The following CCDC88C variants were observed in gnomAD, a reference collection of about 807,000 sequenced individuals.
The protein encoded by CCDC88C is coiled-coil and HOOK domain protein 88C.
In CCDC88C, 131 loss-of-function variants were observed where a neutral mutation model predicts 198.8. The ratio of observed to expected loss-of-function variants is 0.66; its 90% CI spans 0.57 to 0.76. The LOEUF (loss-of-function observed/expected upper bound fraction) is 0.76, where lower values mean the gene tolerates loss of function less well. CCDC88C is among the 30% of genes least tolerant of loss of function. The pLI, the probability that CCDC88C is intolerant of heterozygous loss-of-function variation, is 0.00. For synonymous variants in CCDC88C, 1,166 were observed against 1,114.7 expected (o/e 1.05, Z -0.92); for missense variants, 2,553 against 2,631.6 (o/e 0.97, Z 0.65).
intron 3 of CCDC88C, among the ~76,000 whole-genome samples, chr14:91,400,335 AC>A (rs1187393545): frequency 6.6e-6 from 1 of 151,888 alleles, no homozygotes; most frequent in Non-Finnish European, 1.5e-5. Flanking sequence ...AGGACGGGGG[AC>A]CCCCCGCAGA....
rs76053912 is a variant in CCDC88C at position 91,397,880 on chromosome 14, A to G, written c.270+10779T>C. ...TCCACCTGCAGCAAGTTACCTCCCT[A>G]CATGATTCTAGAAAGCCTGGCTTTT... On this transcript the variant is annotated intron_variant, in intron 3 of 29. Coordinates refer to ENST00000389857, the MANE Select transcript of CCDC88C (RefSeq NM_001080414.4). Among the ~76,000 whole-genome samples the G allele has an allele frequency of 4.2e-3, 644 of 152,316 alleles. 30 individuals are homozygous for G. The East Asian group carries it at 0.11, about 26-fold the overall frequency.
chr14:91,346,798 T>C lies in CCDC88C; in HGVS notation c.341-3141A>G, dbSNP rs369828464. ...TCTGTAATCCCAGCTGCTTGGGAGG[T>C]TGAGGCAGGAGAATCACTTGAACCC... is the stretch of plus-strand genomic sequence containing the variant. On this transcript the variant is annotated intron_variant, in intron 4 of 29. Coordinates refer to ENST00000389857, the MANE Select transcript of CCDC88C (RefSeq NM_001080414.4). 7.3e-5 allele frequency among the ~76,000 whole-genome samples: 11 copies of C among 151,256 alleles called. No individual in the cohort carries two copies. In the East Asian group the frequency reaches 1.8e-3, roughly 24 times the overall value.
chr14:91,298,431 G>A (rs1294402508), intron 21 of CCDC88C, among the ~76,000 whole-genome samples: 2 of 151,860 alleles, frequency 1.3e-5, no homozygotes, highest in African/African-American at 4.8e-5. Flanking sequence ...CTACTTGGGA[G>A]GCTGGGCTGG....
At position 91,355,584 on chromosome 14, in the gene CCDC88C, C is replaced by T. The variant is rs78841067; in HGVS notation, c.340+4058G>A. Reference sequence around the variant, plus strand: ...AGAGACGGTCCCAGGGCAGACACAGCGTAAGGGAGTGAGGAGTTTGGGCCG... The same window carrying T: ...AGAGACGGTCCCAGGGCAGACACAGTGTAAGGGAGTGAGGAGTTTGGGCCG... On this transcript the variant is annotated intron_variant, in intron 4 of 29. Coordinates refer to ENST00000389857, the MANE Select transcript of CCDC88C (RefSeq NM_001080414.4). Among the ~76,000 whole-genome samples the T allele has an allele frequency of 5.3e-5, 8 of 152,220 alleles. No homozygotes were observed. In the East Asian group the frequency reaches 1.2e-3, roughly 22 times the overall value.
intron 26 of CCDC88C, 29 bp downstream of exon 26, chr14:91,283,300 T>A: frequency 6.2e-7 from 1 of 1,607,324 alleles, no homozygotes. Flanking sequence ...GGCCCGACGC[T>A]CATGGCTCTG....
intron 19 of CCDC88C, among the ~76,000 whole-genome samples, chr14:91,304,958 A>G (rs1256600130): frequency 6.6e-6 from 1 of 152,222 alleles, no homozygotes; most frequent in Non-Finnish European, 1.5e-5. Flanking sequence ...AATTGCAATA[A>G]AAAGCCAGGT....
chr14:91,344,116 C>T (rs1893416666), intron 4 of CCDC88C, among the ~76,000 whole-genome samples: 1 of 152,218 alleles, frequency 6.6e-6, no homozygotes. Context: ...CCACCATACC[C>T]AGCCTTATTT....
chr14:91,308,390 T>C lies in CCDC88C; in HGVS notation c.2967A>G (p.Lys989=), dbSNP rs575734877. Residue 989 remains lysine, a synonymous_variant, in exon 17 of 30, where the codon AAA becomes AAG. Coordinates refer to ENST00000389857, the MANE Select transcript of CCDC88C (RefSeq NM_001080414.4). ...IVLLEAQMEE[K]ASLNRQLESE... is the part of the protein sequence containing the mutation. Reference sequence around the variant, plus strand: ...TCTCTAACTGGCGATTTAGGCTCGCTTTCTCTTCCATCTGTGCTTCTAAGA... The same window carrying C: ...TCTCTAACTGGCGATTTAGGCTCGCCTTCTCTTCCATCTGTGCTTCTAAGA... 1.2e-6 allele frequency: 2 copies of C among 1,614,054 alleles called. No individual in the cohort carries two copies. The highest frequency in any genetic ancestry group is 2.2e-5 in the East Asian group (1 of 44,888).
intron 10 of CCDC88C, among the ~76,000 whole-genome samples, chr14:91,337,178 G>T (rs1893084980): frequency 6.6e-6 from 1 of 152,188 alleles, no homozygotes; most frequent in African/African-American, 2.4e-5. Context: ...CCTCACCTGG[G>T]TCTGGGTCTC....
chr14:91,319,756 T>C (rs1892266671), intron 13 of CCDC88C, among the ~76,000 whole-genome samples: 1 of 152,182 alleles, frequency 6.6e-6, no homozygotes, highest in Non-Finnish European at 1.5e-5. Context: ...CCGGGCATGG[T>C]GGCTCATGCT....
intron 10 of CCDC88C, among the ~76,000 whole-genome samples, chr14:91,329,361 T>C (rs987122695): frequency 1.3e-5 from 2 of 152,186 alleles, no homozygotes; most frequent in Non-Finnish European, 2.9e-5. Context: ...CCTTAGTAAG[T>C]GCCCTGAATC....
chr14:91,406,726 G>A (rs376574071), intron 3 of CCDC88C, among the ~76,000 whole-genome samples: 1 of 152,254 alleles, frequency 6.6e-6, no homozygotes, highest in African/African-American at 2.4e-5. Context: ...CAGCCACCAG[G>A]CCCTCATCAC....
intron 3 of CCDC88C, among the ~76,000 whole-genome samples, chr14:91,377,889 GCCT>G (rs1428716661): frequency 6.6e-6 from 1 of 152,170 alleles, no homozygotes; most frequent in African/African-American, 2.4e-5. Context: ...GAGGCGCGCT[GCCT>G]CCTCCTTCTA....
chr14:91,399,838 C>CAAAA (rs71120133), intron 3 of CCDC88C, among the ~76,000 whole-genome samples: 111 of 75,120 alleles, frequency 1.5e-3, no homozygotes, highest in African/African-American at 4.7e-3. Flanking sequence ...GACTCCCTCT[C>CAAAA]AAAAAAAAAA....
intron 2 of CCDC88C, among the ~76,000 whole-genome samples, chr14:91,411,465 T>C (rs955754023): frequency 6.6e-6 from 1 of 152,172 alleles, no homozygotes; most frequent in African/African-American, 2.4e-5. Context: ...GCTAAACAAC[T>C]GCACTTCCCC....
intron 20 of CCDC88C, 139 bp downstream of exon 20, chr14:91,303,562 A>C (rs1596046097): frequency 8.4e-6 from 4 of 477,796 alleles, no homozygotes; most frequent in Non-Finnish European, 1.1e-5. Context: ...CATCTCCTCC[A>C]GGCTCCACCC....
At chr14:91,337,894 G>A (rs1893118396) in intron 10 of CCDC88C, 111 bp downstream of exon 10, 1 of 1,363,474 alleles carries the variant, frequency 7.3e-7, no homozygotes, top group East Asian at 2.4e-5. Flanking sequence ...AGCATCTGCT[G>A]AAACAGCTGT....
chr14:91,417,101 A>G (rs571630137), intron 1 of CCDC88C: 1 of 702,828 alleles, frequency 1.4e-6, no homozygotes, highest in African/African-American at 1.7e-5. Context: ...AAATAAAAAT[A>G]AAAAGGACTT....
At chr14:91,402,245 T>C (rs757326994) in intron 3 of CCDC88C, among the ~76,000 whole-genome samples, 8 of 152,160 alleles carry the variant, frequency 5.3e-5, no homozygotes, top group Non-Finnish European at 7.3e-5. Context: ...CACTGCACTT[T>C]GGCCTGGGAA....
Sources: gnomAD v4.1 joint callset for allele counts (sites outside exome capture counted in the v4.1 genomes callset) on GRCh38, gnomAD v4.1.1 for gene constraint, MANE v1.5 for transcripts, NCBI Gene and HGNC (gene_info 2026-07-23, HGNC 2026-07-21) for gene names.